NBAS: variants seen among roughly 807,000 people sequenced by gnomAD.
The protein encoded by NBAS is NAG/BC035112 fusion.
NBAS carries 219 observed loss-of-function variants against 302.5 expected under a neutral mutation model. The observed-to-expected ratio is 0.72, with a 90% CI of 0.65 to 0.81. The LOEUF (loss-of-function observed/expected upper bound fraction) is 0.81. NBAS is among the 30% of genes least tolerant of loss of function. The probability of loss-of-function intolerance (pLI) is 0.00; values close to 1 mark genes in which losing one functional copy is unlikely to be tolerated. For synonymous variants in NBAS, 1,118 were observed against 1,021.6 expected, an observed-to-expected ratio of 1.09 and a Z score of -1.80; for missense variants, 2,932 against 2,841.6, an observed-to-expected ratio of 1.03 and a Z score of -0.72.
chr2:14,799,403 T>G, the NBAS span, among the ~76,000 whole-genome samples: 1 of 152,164 alleles, frequency 6.6e-6, no homozygotes, highest in Non-Finnish European at 1.5e-5. Context: ...CTTTATTATA[T>G]TTAATAGCCA....
intron 50 of NBAS, chr2:15,179,395 T>C (rs1664715345): frequency 8.0e-6 from 3 of 373,644 alleles, no homozygotes; most frequent in Non-Finnish European, 1.5e-5. Flanking sequence ...AGTGGTATAA[T>C]TTATTTTCCT....
intron 21 of NBAS, among the ~76,000 whole-genome samples, chr2:15,432,170 C>G (rs145854007): frequency 5.9e-5 from 9 of 151,362 alleles, no homozygotes; most frequent in African/African-American, 1.9e-4. Context: ...CCTTGAATCT[C>G]AAGTTCTATA....
chr2:15,496,202 T>A (rs943626160), intron 11 of NBAS, among the ~76,000 whole-genome samples: 11 of 151,844 alleles, frequency 7.2e-5, no homozygotes, highest in South Asian at 2.1e-4. Context: ...CTTGAAAGCA[T>A]CATGCTAAGC....
chr2:15,548,767 G>C (rs1664236841), intron 6 of NBAS, among the ~76,000 whole-genome samples: 1 of 151,766 alleles, frequency 6.6e-6, no homozygotes, highest in Non-Finnish European at 1.5e-5. Context: ...ACACAGGGAG[G>C]AGAGCCGATG....
rs76175230 is a variant in NBAS at position 15,301,248 on chromosome 2, T to C, written c.4797+6968A>G. Among the ~76,000 whole-genome samples, 1,133 of 152,330 alleles carry C rather than the reference T, an allele frequency of 7.4e-3. 49 individuals are homozygous for C. Among genetic ancestry groups the C allele is most frequent in the Admixed American group, 0.06 (924 of 15,306 alleles). On this transcript the variant is annotated intron_variant, in intron 40 of 51. Transcript: ENST00000281513. ...GAATCAGGGGCTTTACATGACAGGA[T>C]GTTACTTTTTACCAGAGTAACCTTG...
chr2:15,182,405 A>G (rs1664868649), intron 50 of NBAS, among the ~76,000 whole-genome samples: 2 of 152,244 alleles, frequency 1.3e-5, no homozygotes, highest in African/African-American at 2.4e-5. Flanking sequence ...GTGTTATTGC[A>G]TAACTTGACT....
intron 38 of NBAS, among the ~76,000 whole-genome samples, chr2:15,320,199 C>T (rs1463958930): frequency 6.6e-6 from 1 of 152,098 alleles, no homozygotes; most frequent in Admixed American, 6.6e-5. Flanking sequence ...ATTCAACAGC[C>T]CTTCATGCTA....
chr2:15,064,238 T>A, the NBAS span, among the ~76,000 whole-genome samples: 1 of 150,814 alleles, frequency 6.6e-6, no homozygotes, highest in Non-Finnish European at 1.5e-5. Flanking sequence ...ACTGAGTTGG[T>A]TTCCTGAAAA....
intron 21 of NBAS, among the ~76,000 whole-genome samples, chr2:15,444,513 T>C (rs948062810): frequency 6.6e-6 from 1 of 151,984 alleles, no homozygotes; most frequent in Non-Finnish European, 1.5e-5. Context: ...TCAAGATGGA[T>C]TAAAGACTTA....
intron 9 of NBAS, among the ~76,000 whole-genome samples, chr2:15,524,622 AGAC>A (rs2148665888): frequency 6.6e-6 from 1 of 152,246 alleles, no homozygotes; most frequent in East Asian, 1.9e-4. Context: ...AATGGAAGGG[AGAC>A]GACAACCAAA....
At chr2:15,206,512 G>C (rs1335438541) in intron 48 of NBAS, among the ~76,000 whole-genome samples, 1 of 152,186 alleles carries the variant, frequency 6.6e-6, no homozygotes, top group Non-Finnish European at 1.5e-5. Context: ...TAATAGCCAA[G>C]ACTATGGGGA....
the NBAS span, among the ~76,000 whole-genome samples, chr2:15,004,538 T>C: frequency 6.6e-6 from 1 of 152,146 alleles, no homozygotes. Flanking sequence ...AGTCTCACCC[T>C]CTGTCCAGAC....
chr2:15,536,441 T>G lies in NBAS; in HGVS notation c.624A>C (p.Gly208=). 35 of 1,613,662 alleles carry G rather than the reference T, an allele frequency of 2.2e-5. No individual in the cohort carries two copies. The highest frequency in any genetic ancestry group is 3.0e-5 in the Non-Finnish European group (35 of 1,179,982). ...SAELLVINYR[G]ELRSYLVSVG... is the part of the protein sequence containing the mutation. ...ACCTTACAAGGTAACTTCTAAGTTCTCCTCGGTAATTGATGACCAGGAGTT... is the reference window on the plus strand; with the variant it reads ...ACCTTACAAGGTAACTTCTAAGTTCGCCTCGGTAATTGATGACCAGGAGTT... Residue 208 remains glycine (G), a synonymous_variant, in exon 8 of 52, where the codon GGA becomes GGC. Coordinates refer to ENST00000281513, the MANE Select transcript of NBAS (RefSeq NM_015909.4).
chr2:15,149,098 C>A, the NBAS span, among the ~76,000 whole-genome samples: 1 of 152,210 alleles, frequency 6.6e-6, no homozygotes, highest in African/African-American at 2.4e-5. Context: ...TAGAAACTTG[C>A]ATCCTCAATG....
the NBAS span, among the ~76,000 whole-genome samples, chr2:15,015,467 G>A: frequency 6.6e-6 from 1 of 152,278 alleles, no homozygotes; most frequent in Non-Finnish European, 1.5e-5. Flanking sequence ...TCCCAGGCAT[G>A]CAAAGATGGT....
chr2:15,351,646 C>G (rs1558261630), intron 35 of NBAS, among the ~76,000 whole-genome samples: 1 of 151,952 alleles, frequency 6.6e-6, no homozygotes, highest in Non-Finnish European at 1.5e-5. Flanking sequence ...CCACTGCACT[C>G]TAGCCTGGCA....
At chr2:15,110,140 G>A in the NBAS span, among the ~76,000 whole-genome samples, 5 of 151,968 alleles carry the variant, frequency 3.3e-5, no homozygotes, top group African/African-American at 9.7e-5. Flanking sequence ...GCATTCCAAG[G>A]GCTACAAAGA....
At chr2:15,445,889 G>A (rs1190228158) in intron 21 of NBAS, among the ~76,000 whole-genome samples, 1 of 134,268 alleles carries the variant, frequency 7.4e-6, no homozygotes, top group African/African-American at 2.8e-5. Flanking sequence ...TTCTAGGAAT[G>A]AAAAACATAG....
chr2:15,265,875 G>A (rs1669053079), intron 44 of NBAS, among the ~76,000 whole-genome samples: 1 of 152,204 alleles, frequency 6.6e-6, no homozygotes, highest in Non-Finnish European at 1.5e-5. Context: ...GTAAGTCCAA[G>A]AAAAGCCAAA....
Sources: gnomAD v4.1 joint callset for allele counts (sites outside exome capture counted in the v4.1 genomes callset) on GRCh38, gnomAD v4.1.1 for gene constraint, MANE v1.5 for transcripts, NCBI Gene and HGNC (gene_info 2026-07-23, HGNC 2026-07-21) for gene names.